The following LEMD1 variants were observed in gnomAD, a reference collection of about 807,000 sequenced individuals.
The protein encoded by LEMD1 is LEM domain containing 1.
LEMD1 carries 18 observed loss-of-function variants against 17.4 expected under a neutral mutation model. The ratio of observed to expected loss-of-function variants is 1.04; its 90% CI spans 0.72 to 1.54. The LOEUF is 1.54. LEMD1 is among the 40% of genes most tolerant of loss of function. The pLI, the probability that LEMD1 is intolerant of heterozygous loss-of-function variation, is 0.00. For missense variants in LEMD1, 195 were observed against 210.4 expected, an observed-to-expected ratio of 0.93 and a Z score of 0.45; for synonymous variants, 88 against 77.8, an observed-to-expected ratio of 1.13 and a Z score of -0.69.
chr1:205,386,840 T>G (rs1664056626), intron 4 of LEMD1: 1 of 152,218 alleles, frequency 6.6e-6, no homozygotes, highest in Non-Finnish European at 1.5e-5. Flanking sequence ...AGTGTTGGCA[T>G]GCTCACCAAG....
intron 4 of LEMD1, among the ~76,000 whole-genome samples, chr1:205,412,216 C>T (rs1478254627): frequency 6.6e-6 from 1 of 152,058 alleles, no homozygotes; most frequent in Non-Finnish European, 1.5e-5. Flanking sequence ...CCCATTTTCC[C>T]GTTTGGTAGA....
intron 1 of LEMD1, among the ~76,000 whole-genome samples, chr1:205,449,551 G>GA (rs1325269297): frequency 6.6e-6 from 1 of 152,094 alleles, no homozygotes; most frequent in East Asian, 1.9e-4. Context: ...CACTGGACAG[G>GA]AATCCTGCAT....
chr1:205,419,713 G>A (rs1413706732), intron 2 of LEMD1, among the ~76,000 whole-genome samples: 1 of 152,100 alleles, frequency 6.6e-6, no homozygotes, highest in Non-Finnish European at 1.5e-5. Context: ...TGATCCACCC[G>A]CCTCGGCCTC....
chr1:205,414,725 G>C (rs1403539942), intron 4 of LEMD1, among the ~76,000 whole-genome samples: 4 of 152,044 alleles, frequency 2.6e-5, no homozygotes, highest in Non-Finnish European at 5.9e-5. Flanking sequence ...TGCCCGGCCA[G>C]AATTGTTTTT....
At position 205,381,740 on chromosome 1, in the gene LEMD1, C is replaced by T. The variant is rs771572313; in HGVS notation, c.464G>A (p.Gly155Asp). The change falls in exon 6 of 6, where the codon GGC (glycine) becomes GAC (aspartate). Residue 155 changes from glycine to aspartate, a missense_variant. Physicochemically the swap from Gly to Asp is moderately conservative, Grantham distance 94. Coordinates refer to ENST00000367153, the MANE Select transcript of LEMD1 (RefSeq NM_001199050.2). ...AATACCAAGCACAGCAAGCTTCAAG[C>T]CCACTGGGAAACCTTCTTCTCTCCA... ...ESWREEGFPV[G>D]LKLAVLGIFI... The T allele has an allele frequency of 6.2e-7, 1 of 1,614,222 alleles. No individual in the cohort carries two copies. The highest frequency in any genetic ancestry group is 8.5e-7 in the Non-Finnish European group (1 of 1,180,036).
At chr1:205,387,295 A>G (rs1297360857) in intron 4 of LEMD1, 1 of 152,180 alleles carries the variant, frequency 6.6e-6, no homozygotes. Context: ...TAAAGGCCAT[A>G]TAACAGGGAA....
intron 4 of LEMD1, among the ~76,000 whole-genome samples, chr1:205,395,992 A>C (rs1664574512): frequency 6.6e-6 from 1 of 152,134 alleles, no homozygotes. Context: ...ATTCTGAAGA[A>C]GATTTAGAAC....
chr1:205,413,985 A>T (rs1382886323), intron 4 of LEMD1, among the ~76,000 whole-genome samples: 1 of 152,114 alleles, frequency 6.6e-6, no homozygotes, highest in African/African-American at 2.4e-5. Context: ...AGGAAGAAAA[A>T]TGTGGTAGGG....
Position 205,448,965 on chromosome 1 carries a change from C to T in LEMD1, c.-39+903G>A, listed in dbSNP as rs1666449974. ...AGGGGTGGGGGCTGGGCCAACCTAC[C>T]CAGACCAGTCTGGGTGGTTACCGAC... On this transcript the variant is annotated intron_variant, in intron 1 of 3. Transcript: ENST00000367154. This position sits in a 1 kb window ranked among gnomAD's most constrained non-coding sequence, Gnocchi z 4.7. Among the ~76,000 whole-genome samples the T allele has an allele frequency of 6.6e-6, 1 of 152,084 alleles. No homozygotes were observed. Among genetic ancestry groups the T allele is most frequent in the Non-Finnish European group, 1.5e-5 (1 of 68,008 alleles).
chr1:205,421,938 T>C (rs1209412018), intron 1 of LEMD1, 52 bp downstream of exon 1: 2 of 152,122 alleles, frequency 1.3e-5, no homozygotes, highest in Admixed American at 6.5e-5. Flanking sequence ...GGAACACACA[T>C]ATGGAAGAAA....
At chr1:205,403,781 T>A (rs1190562065) in intron 4 of LEMD1, among the ~76,000 whole-genome samples, 1 of 152,202 alleles carries the variant, frequency 6.6e-6, no homozygotes, top group Non-Finnish European at 1.5e-5. Context: ...TGAGTTCTTT[T>A]AATTGTGATG....
chr1:205,425,480 G>A (rs1435972747), upstream of LEMD1, among the ~76,000 whole-genome samples: 3 of 152,250 alleles, frequency 2.0e-5, no homozygotes, highest in Admixed American at 6.5e-5. Context: ...CGCAGAGCTC[G>A]TGAGCCAGGT....
In LEMD1 at chr1:205,384,314, C is replaced by A; in HGVS notation, c.321G>T (p.Leu107Phe). The A allele has an allele frequency of 6.6e-7, 1 of 1,516,200 alleles. No individual in the cohort carries two copies. Among genetic ancestry groups the A allele is most frequent in the Non-Finnish European group, 8.8e-7 (1 of 1,132,414 alleles). The allele number at this position is 1,516,200 out of a possible 1,614,324, so 93.9% of individuals were successfully genotyped here. Residue 107 changes from leucine (L) to phenylalanine (F), a missense_variant, in exon 5 of 6, where the codon TTG becomes TTT. Physicochemically the swap from Leu to Phe is conservative, Grantham distance 22. Transcript: ENST00000367153. ...TKRKAVDTYC[L>F]DYKPSKGRRW... Reference sequence around the variant, plus strand: ...TTCTTCCCTTGGAAGGCTTATAATCCAAGCAATAGGTATCTACAGCTTTGC... The same window carrying A: ...TTCTTCCCTTGGAAGGCTTATAATCAAAGCAATAGGTATCTACAGCTTTGC...
intron 4 of LEMD1, among the ~76,000 whole-genome samples, chr1:205,394,545 C>G (rs1664497034): frequency 6.6e-6 from 1 of 152,118 alleles, no homozygotes; most frequent in African/African-American, 2.4e-5. Flanking sequence ...CCACCAAACC[C>G]AGCTAATTTT....
chr1:205,411,666 G>GA (rs1432826941), intron 4 of LEMD1, among the ~76,000 whole-genome samples: 2 of 133,702 alleles, frequency 1.5e-5, no homozygotes, highest in African/African-American at 5.6e-5. Flanking sequence ...AAGAAAGAAA[G>GA]AAAGAAAAGA....
intron 4 of LEMD1, among the ~76,000 whole-genome samples, chr1:205,407,760 A>C (rs942911181): frequency 2.6e-5 from 4 of 152,160 alleles, no homozygotes; most frequent in African/African-American, 9.7e-5. Flanking sequence ...CCAGGACTTG[A>C]GATTGGCATT....
At chr1:205,424,484 G>C (rs1050576858), upstream of LEMD1, among the ~76,000 whole-genome samples, 16 of 152,162 alleles carry the variant, frequency 1.1e-4, no homozygotes, top group Admixed American at 8.5e-4. Context: ...ATCAAGGAGA[G>C]GTAGAGGAGA....
At chr1:205,422,237 A>G (rs369994172), upstream of LEMD1, among the ~76,000 whole-genome samples, 3 of 152,242 alleles carry the variant, frequency 2.0e-5, no homozygotes, top group African/African-American at 7.2e-5. Context: ...CTGCCATGAT[A>G]CAATGTCAAG....
intron 4 of LEMD1, among the ~76,000 whole-genome samples, chr1:205,414,429 A>G (rs1424258476): frequency 6.6e-6 from 1 of 151,320 alleles, no homozygotes; most frequent in African/African-American, 2.4e-5. Context: ...ACAAAAAAAA[A>G]AAAAGTTTTT....
Sources: allele counts gnomAD v4.1 joint callset (sites outside exome capture counted in the v4.1 genomes callset), GRCh38; gene constraint gnomAD v4.1.1; non-coding constraint Gnocchi (gnomAD v3.1); transcripts MANE v1.5; gene names NCBI Gene and HGNC (gene_info 2026-07-23, HGNC 2026-07-21).